Variants in ST18 observed in about 807,000 individuals in gnomAD.
ST18 encodes the protein suppression of tumorigenicity 18 protein.
In ST18, 50 loss-of-function variants were observed where a neutral mutation model predicts 110.0. The ratio of observed to expected loss-of-function variants is 0.45; its 90% CI spans 0.36 to 0.58. The LOEUF is 0.58. Among genes scored for constraint, ST18 ranks in the 20% least tolerant of loss-of-function variants. The pLI, the probability that ST18 is intolerant of heterozygous loss-of-function variation, is 0.00. For synonymous variants in ST18, 461 were observed against 452.4 expected (o/e 1.02, Z -0.24); for missense variants, 1,306 against 1,280.1 (o/e 1.02, Z -0.31).
intron 2 of ST18, among the ~76,000 whole-genome samples, chr8:52,349,416 G>A (rs1379715460): frequency 1.3e-5 from 2 of 152,074 alleles, no homozygotes; most frequent in Non-Finnish European, 2.9e-5. Context: ...ATATGATAAT[G>A]TATTACTCTG....
At chr8:52,168,709 C>A (rs1009240975) in intron 10 of ST18, among the ~76,000 whole-genome samples, 5 of 151,996 alleles carry the variant, frequency 3.3e-5, no homozygotes, top group Non-Finnish European at 5.9e-5. Context: ...GTGCCCGTGT[C>A]GATACTATTC....
At chr8:52,201,261 T>C (rs1433071119) in intron 8 of ST18, 1 of 152,276 alleles carries the variant, frequency 6.6e-6, no homozygotes, top group African/African-American at 2.4e-5. Context: ...GGACAGACTG[T>C]AGGCTCTGGG....
At chr8:52,401,935 T>C (rs1421834688) in intron 2 of ST18, among the ~76,000 whole-genome samples, 1 of 152,206 alleles carries the variant, frequency 6.6e-6, no homozygotes, top group Non-Finnish European at 1.5e-5. Context: ...TATAGAGGGC[T>C]TTCATAGGGA....
Position 52,171,965 on chromosome 8 carries a change from G to T in ST18, c.896C>A (p.Ala299Asp). The change falls in exon 10 of 26, where the codon GCC (alanine) becomes GAC (aspartate). Residue 299 changes from alanine to aspartate, a missense_variant. Ala to Asp is a moderately radical substitution (Grantham distance 126). Transcript: ENST00000689386. ...MTEEGSDLEKAKGNLSLLEQA... is the reference protein window; with the variant it reads ...MTEEGSDLEKDKGNLSLLEQA... ...CTCCAGCAAACTTAAATTCCCCTTG[G>T]CCTTTTCCAGGTCACTACCCTCTTC... 1 of 1,614,108 alleles carries T rather than the reference G, an allele frequency of 6.2e-7. No individual in the cohort carries two copies. Among genetic ancestry groups the T allele is most frequent in the Admixed American group, 1.7e-5 (1 of 60,016 alleles).
At chr8:52,128,574 A>T (rs2047994632) in intron 22 of ST18, among the ~76,000 whole-genome samples, 1 of 152,174 alleles carries the variant, frequency 6.6e-6, no homozygotes. Flanking sequence ...ATATAAATAT[A>T]ATATGGATAT....
At chr8:52,165,332 T>G (rs1447604780) in intron 11 of ST18, 107 bp from the exon 12 acceptor site, 2 of 1,003,604 alleles carry the variant, frequency 2.0e-6, no homozygotes, top group East Asian at 4.8e-5. Flanking sequence ...AGTTCCATCA[T>G]CCACCATGCT....
intron 11 of ST18, 114 bp downstream of exon 11, chr8:52,166,738 A>G: frequency 1.5e-6 from 2 of 1,344,358 alleles, no homozygotes; most frequent in South Asian, 2.1e-5. Flanking sequence ...TTGGCTTGAC[A>G]TAGTTTAAAA....
intron 8 of ST18, among the ~76,000 whole-genome samples, chr8:52,196,614 T>G (rs2076258153): frequency 6.6e-6 from 1 of 152,212 alleles, no homozygotes; most frequent in African/African-American, 2.4e-5. Context: ...TCATATAACT[T>G]TTATTGCAGC....
chr8:52,260,364 C>T (rs912114908), intron 2 of ST18, among the ~76,000 whole-genome samples: 1 of 152,078 alleles, frequency 6.6e-6, no homozygotes, highest in Non-Finnish European at 1.5e-5. Context: ...CACAAAGCAA[C>T]TGAATTATAT....
At chr8:52,241,679 A>T (rs2093416871) in intron 2 of ST18, among the ~76,000 whole-genome samples, 1 of 152,250 alleles carries the variant, frequency 6.6e-6, no homozygotes. Context: ...GATTGCACAG[A>T]ACCTAAATAA....
intron 2 of ST18, among the ~76,000 whole-genome samples, chr8:52,394,403 T>C (rs183794286): frequency 3.5e-4 from 54 of 152,296 alleles, no homozygotes; most frequent in Non-Finnish European, 4.9e-4. Flanking sequence ...GGGTAGACTG[T>C]AAGCCTCAAA....
chr8:52,345,646 T>C (rs143648285), intron 2 of ST18, among the ~76,000 whole-genome samples: 1 of 152,152 alleles, frequency 6.6e-6, no homozygotes, highest in East Asian at 1.9e-4. Flanking sequence ...GAAGTTGGAA[T>C]GTCTACACAG....
intron 2 of ST18, among the ~76,000 whole-genome samples, chr8:52,390,711 G>A (rs999041861): frequency 3.3e-5 from 5 of 152,180 alleles, no homozygotes; most frequent in African/African-American, 9.6e-5. Context: ...GGCTGCAGAC[G>A]TGGGCTTCTC....
Position 52,215,922 on chromosome 8 carries a change from G to T in ST18, c.1-1665C>A, listed in dbSNP as rs1027311828. On this transcript the variant is annotated intron_variant, in intron 6 of 25. Coordinates refer to ENST00000689386, the MANE Select transcript of ST18 (RefSeq NM_001352837.2). ...CTAAATGAATAACTAGATTATGAGA[G>T]ATCAGTAGCATGTGAGGGTGAAAAT... Among the ~76,000 whole-genome samples the T allele has an allele frequency of 3.9e-5, 6 of 152,194 alleles. No individual in the cohort carries two copies. The East Asian group carries it at 1.2e-3, about 29-fold the overall frequency.
chr8:52,278,014 AAATT>A lies in ST18; in HGVS notation c.-464-47941_-464-47938del, dbSNP rs1319863934. On this transcript the variant is annotated intron_variant, in intron 2 of 25. Transcript: ENST00000689386. ...TTGTATAAATGCACAAAATATTATA[AAATT>A]AATTATTTTTATAAAGATACAATAT... 5.9e-5 allele frequency among the ~76,000 whole-genome samples: 9 copies of A among 152,274 alleles called. No homozygotes were observed. The South Asian group carries it at 1.2e-3, about 21-fold the overall frequency.
intron 2 of ST18, among the ~76,000 whole-genome samples, chr8:52,290,436 A>C (rs2095538539): frequency 6.6e-6 from 1 of 152,232 alleles, no homozygotes; most frequent in Non-Finnish European, 1.5e-5. Flanking sequence ...ATGTTTACAT[A>C]CCAATAAATA....
intron 2 of ST18, chr8:52,393,863 C>T (rs1203844060): frequency 8.6e-6 from 1 of 116,468 alleles, no homozygotes; most frequent in Non-Finnish European, 1.7e-5. Context: ...GCCTGGGCGA[C>T]AAGAGCGGAA....
At chr8:52,121,504 A>G (rs749486334) in intron 23 of ST18, among the ~76,000 whole-genome samples, 2 of 152,170 alleles carry the variant, frequency 1.3e-5, no homozygotes, top group East Asian at 3.8e-4. Flanking sequence ...CCATGCACAC[A>G]GTCTCTAAGA....
rs150591064 is a variant in ST18 at position 52,318,467 on chromosome 8, A to G, written c.-464-88390T>C. Among the ~76,000 whole-genome samples, 902 of 152,340 alleles carry G rather than the reference A, an allele frequency of 5.9e-3. 5 individuals carry two copies. The highest frequency in any genetic ancestry group is 0.021 in the African/African-American group (854 of 41,580). On this transcript the variant is annotated intron_variant, in intron 2 of 25. Transcript: ENST00000689386. ...TGTTGGTGGGAGTGTAAATTGGTTC[A>G]ACCATTGCGGAAGACAGTGGCAATT...
Sources: gnomAD v4.1 joint callset for allele counts (sites outside exome capture counted in the v4.1 genomes callset) on GRCh38, gnomAD v4.1.1 for gene constraint, MANE v1.5 for transcripts, NCBI Gene and HGNC (gene_info 2026-07-23, HGNC 2026-07-21) for gene names.